Variants in MDFIC observed in about 807,000 individuals in gnomAD.
The protein encoded by MDFIC is myoD family inhibitor domain-containing protein.
Under a neutral mutation model 23.2 loss-of-function variants are expected in MDFIC, and 17 were observed. The observed-to-expected ratio is 0.73, with a 90% confidence interval of 0.50 to 1.10. The LOEUF (loss-of-function observed/expected upper bound fraction) is 1.10, where lower values mean the gene tolerates loss of function less well. Ranked by LOEUF, MDFIC falls within the 50% of genes least tolerant of loss-of-function variation. The probability of loss-of-function intolerance (pLI) is 0.00; values close to 1 mark genes in which losing one functional copy is unlikely to be tolerated. For synonymous variants in MDFIC, 120 were observed against 115.2 expected (o/e 1.04, Z -0.27); for missense variants, 356 against 316.6 (o/e 1.12, Z -0.95).
chr7:115,016,503 T>G lies in MDFIC; in HGVS notation c.*568T>G, dbSNP rs546699440. 404 of 154,290 alleles carry G rather than the reference T, an allele frequency of 2.6e-3. No individual in the cohort carries two copies. Among genetic ancestry groups the G allele is most frequent in the Admixed American group, 3.9e-3 (61 of 15,554 alleles). 9.6% of individuals were successfully genotyped at this position (154,290 alleles called of 1,614,324 possible). The stretch of plus-strand genomic sequence containing the variant: ...AAAAAGTTAGCTGGGCTTGGCGGTG[T>G]GCGCCTGTAGTCCCAGCTACTCAGG... On this transcript the variant is annotated 3_prime_UTR_variant, in exon 5 of 5. Coordinates refer to ENST00000393486, the MANE Select transcript of MDFIC (RefSeq NM_001166345.3).
intron 3 of MDFIC, among the ~76,000 whole-genome samples, chr7:114,953,810 A>G (rs6949639): frequency 0.48 from 73,171 of 151,986 alleles, 17,958 homozygotes; most frequent in Non-Finnish European, 0.53. Context: ...AATTGTCTCT[A>G]CATTACTTAT....
chr7:114,942,788 AT>A (rs887108932), intron 3 of MDFIC, among the ~76,000 whole-genome samples: 25 of 152,188 alleles, frequency 1.6e-4, no homozygotes, highest in African/African-American at 3.9e-4. Flanking sequence ...CTGACTCCAA[AT>A]TTTTTTTATG....
Position 114,979,398 on chromosome 7 carries a change from G to A in MDFIC, c.218-108G>A, listed in dbSNP as rs1453143737. ...TTTCTTTGTTGCCTCTTCAGTGTTA[G>A]TATTATGGGTAAAACCCCAAATCTC... On this transcript the variant is annotated intron_variant, in intron 3 of 4. Coordinates refer to ENST00000393486, the MANE Select transcript of MDFIC (RefSeq NM_001166345.3). 1.2e-5 allele frequency: 14 copies of A among 1,123,812 alleles called. No homozygotes were observed. In the East Asian group the frequency reaches 2.1e-4, roughly 17 times the overall value. 69.6% of individuals were successfully genotyped at this position (1,123,812 alleles called of 1,614,324 possible).
At chr7:115,006,570 A>G (rs1209348751) in intron 4 of MDFIC, among the ~76,000 whole-genome samples, 1 of 152,252 alleles carries the variant, frequency 6.6e-6, no homozygotes, top group East Asian at 1.9e-4. Context: ...AGCCAAGGAC[A>G]AATGAAAAGA....
intron 2 of MDFIC, among the ~76,000 whole-genome samples, chr7:114,932,826 C>T (rs1408072703): frequency 6.6e-6 from 1 of 152,202 alleles, no homozygotes; most frequent in East Asian, 1.9e-4. Context: ...GACACACCTT[C>T]TGATTTCAAT....
chr7:114,978,635 T>G (rs148149281), intron 3 of MDFIC, among the ~76,000 whole-genome samples: 1 of 152,084 alleles, frequency 6.6e-6, no homozygotes. Flanking sequence ...GTATCAATCT[T>G]GCTACATTTT....
intron 4 of MDFIC, among the ~76,000 whole-genome samples, chr7:114,999,863 A>G (rs918651014): frequency 1.3e-5 from 2 of 152,132 alleles, no homozygotes; most frequent in African/African-American, 4.8e-5. Flanking sequence ...TCTCAATTAT[A>G]CATATAGGCA....
At chr7:114,970,480 C>T (rs956866454) in intron 3 of MDFIC, among the ~76,000 whole-genome samples, 8 of 152,108 alleles carry the variant, frequency 5.3e-5, no homozygotes, top group East Asian at 1.9e-4. Flanking sequence ...TGACTCTGGT[C>T]CCTTGCTTTA....
chr7:114,950,057 T>C (rs552753525), intron 3 of MDFIC, among the ~76,000 whole-genome samples: 2 of 152,228 alleles, frequency 1.3e-5, no homozygotes, highest in South Asian at 4.1e-4. Context: ...TAAGGGAAGA[T>C]AGAAAGTATT....
intron 2 of MDFIC, among the ~76,000 whole-genome samples, chr7:114,939,427 T>C (rs1792495238): frequency 6.6e-6 from 1 of 152,206 alleles, no homozygotes; most frequent in Admixed American, 6.5e-5. Flanking sequence ...TACTATTCAT[T>C]GAATATAATC....
At chr7:114,976,822 T>C (rs1793325425) in intron 3 of MDFIC, among the ~76,000 whole-genome samples, 1 of 152,122 alleles carries the variant, frequency 6.6e-6, no homozygotes, top group African/African-American at 2.4e-5. Flanking sequence ...AAGTAAACAA[T>C]GGCTTACTAA....
chr7:114,948,146 C>T (rs1792687295), intron 3 of MDFIC, among the ~76,000 whole-genome samples: 1 of 152,122 alleles, frequency 6.6e-6, no homozygotes, highest in African/African-American at 2.4e-5. Context: ...AGATGCTTTA[C>T]CTACCTTGCC....
In MDFIC at chr7:114,948,254, G is replaced by A. The variant is rs116774271; in HGVS notation, c.217+5857G>A. Among the ~76,000 whole-genome samples the A allele has an allele frequency of 5.7e-3, 864 of 152,196 alleles. 10 individuals are homozygous for A. The highest frequency in any genetic ancestry group is 0.02 in the African/African-American group (816 of 41,516). On this transcript the variant is annotated intron_variant, in intron 3 of 4. Transcript: ENST00000393486. ...CTCCCTTCTTACTCCCAGGCTGCAC[G>A]TGGTTTATTCATGTCAAGTTTGAAG...
At chr7:114,974,875 A>T (rs966597510) in intron 3 of MDFIC, among the ~76,000 whole-genome samples, 2 of 151,860 alleles carry the variant, frequency 1.3e-5, no homozygotes, top group Non-Finnish European at 2.9e-5. Context: ...GTAACTATTC[A>T]TCATGGATAT....
chr7:115,002,522 T>C (rs1218350839), intron 4 of MDFIC, among the ~76,000 whole-genome samples: 4 of 152,218 alleles, frequency 2.6e-5, no homozygotes, highest in Non-Finnish European at 5.9e-5. Context: ...AGCAGTGAAC[T>C]ACAAAGACAA....
intron 2 of MDFIC, among the ~76,000 whole-genome samples, chr7:114,937,243 C>T (rs1375586586): frequency 6.6e-6 from 1 of 152,112 alleles, no homozygotes; most frequent in Non-Finnish European, 1.5e-5. Flanking sequence ...TCTTTAGAAA[C>T]AGGAAAATAA....
intron 4 of MDFIC, among the ~76,000 whole-genome samples, chr7:114,994,803 G>C (rs557039227): frequency 2.0e-5 from 3 of 151,986 alleles, no homozygotes; most frequent in Admixed American, 6.6e-5. Flanking sequence ...CATTTCCACT[G>C]TGGTGAATCT....
intron 4 of MDFIC, among the ~76,000 whole-genome samples, chr7:115,010,200 A>G (rs922130964): frequency 2.6e-5 from 4 of 152,150 alleles, no homozygotes; most frequent in African/African-American, 7.2e-5. Context: ...CTTTGCCTCA[A>G]ATAAAACCAC....
At chr7:114,992,636 T>C (rs1324651470) in intron 4 of MDFIC, among the ~76,000 whole-genome samples, 1 of 152,232 alleles carries the variant, frequency 6.6e-6, no homozygotes, top group East Asian at 1.9e-4. Flanking sequence ...GTTCTGTTTA[T>C]ATGCTGGATT....
Sources: gnomAD v4.1 joint callset for allele counts (sites outside exome capture counted in the v4.1 genomes callset) on GRCh38, gnomAD v4.1.1 for gene constraint, MANE v1.5 for transcripts, NCBI Gene and HGNC (gene_info 2026-07-23, HGNC 2026-07-21) for gene names.